Variants in ALDH7A1 observed in about 807,000 individuals in gnomAD.
The protein encoded by ALDH7A1 is alpha-aminoadipic semialdehyde dehydrogenase.
ALDH7A1 carries 63 observed loss-of-function variants against 79.9 expected under a neutral mutation model. The observed-to-expected ratio is 0.79, with a 90% CI of 0.64 to 0.97. The LOEUF (loss-of-function observed/expected upper bound fraction) is 0.97, where lower values mean the gene tolerates loss of function less well. Ranked by LOEUF, ALDH7A1 falls within the 50% of genes least tolerant of loss-of-function variation. The pLI is 0.00. For missense variants in ALDH7A1, 627 were observed against 665.2 expected (o/e 0.94, Z 0.63); for synonymous variants, 240 against 231.2 (o/e 1.04, Z -0.34).
intron 4 of ALDH7A1, 25 bp downstream of exon 4, chr5:126,583,907 T>C: frequency 5.7e-6 from 9 of 1,575,014 alleles, no homozygotes; most frequent in Non-Finnish European, 7.9e-6. Context: ...CAAAGAATTG[T>C]GTATATACTA....
At chr5:126,592,522 C>G in intron 3 of ALDH7A1, 142 bp downstream of exon 3, 2 of 799,200 alleles carry the variant, frequency 2.5e-6, no homozygotes, top group Non-Finnish European at 4.2e-6. Context: ...ACAGCAGGAG[C>G]CCTAGTACAG....
At chr5:126,593,425 A>T (rs1203395210) in intron 1 of ALDH7A1, 21 bp from the exon 2 acceptor site, 3 of 1,613,816 alleles carry the variant, frequency 1.9e-6, no homozygotes, top group Non-Finnish European at 2.5e-6. Flanking sequence ...AAGGATGATG[A>T]TCATGTATAG....
At chr5:126,569,732 T>G (rs1750713764) in intron 8 of ALDH7A1, 1 of 152,244 alleles carries the variant, frequency 6.6e-6, no homozygotes, top group African/African-American at 2.4e-5. Flanking sequence ...TAGATAATAT[T>G]TCACTCTGCA....
chr5:126,589,316 C>T (rs1267983123), intron 3 of ALDH7A1, among the ~76,000 whole-genome samples: 1 of 151,944 alleles, frequency 6.6e-6, no homozygotes, highest in African/African-American at 2.4e-5. Context: ...CACCACCATG[C>T]CTGGCTAATT....
chr5:126,550,409 C>G, intron 14 of ALDH7A1, 116 bp from the exon 15 acceptor site: 1 of 786,928 alleles, frequency 1.3e-6, no homozygotes, highest in South Asian at 1.6e-5. Context: ...AAAAGGAAAC[C>G]AAAGAGTCAA....
chr5:126,582,948 T>C lies in ALDH7A1; in HGVS notation c.420A>G (p.Leu140=). The C allele has an allele frequency of 6.2e-7, 1 of 1,613,966 alleles. No individual in the cohort carries two copies. The highest frequency in any genetic ancestry group is 8.5e-7 in the Non-Finnish European group (1 of 1,179,956). The change falls in exon 5 of 18, where the codon TTA becomes TTG. Residue 140 remains leucine, a synonymous_variant. Coordinates refer to ENST00000409134, the MANE Select transcript of ALDH7A1 (RefSeq NM_001182.5). ...CCTGAACTTCACCCACACCTTCCAC[T>C]AAGATTTTCCCCATCTCCAAAGACA... is the stretch of plus-strand genomic sequence containing the variant. The part of the protein sequence containing the change: ...SLVSLEMGKI[L]VEGVGEVQEY...
chr5:126,551,450 T>C (rs1043450083), intron 14 of ALDH7A1, among the ~76,000 whole-genome samples: 5 of 151,852 alleles, frequency 3.3e-5, no homozygotes, highest in African/African-American at 1.2e-4. Flanking sequence ...AGGTAGCTGG[T>C]ATTACAGATT....
chr5:126,571,652 A>AT (rs1339897163), intron 7 of ALDH7A1, among the ~76,000 whole-genome samples: 112 of 148,726 alleles, frequency 7.5e-4, no homozygotes, highest in Middle Eastern at 3.4e-3. Flanking sequence ...TTATTTATTT[A>AT]TTTTTTTTTT....
In ALDH7A1 at chr5:126,563,558, C is replaced by T. The variant is rs565517772; in HGVS notation, c.872-2434G>A. The stretch of plus-strand genomic sequence containing the variant: ...AGGCTGGAGTGCAGTGGCGTGATCT[C>T]GGCTCACTGCAAATCTCCGCCTCCT... On this transcript the variant is annotated intron_variant, in intron 9 of 17. Transcript: ENST00000409134. Among the ~76,000 whole-genome samples the T allele has an allele frequency of 3.3e-5, 5 of 152,096 alleles. 1 individual carries two copies. The highest frequency in any genetic ancestry group is 1.2e-4 in the African/African-American group (5 of 41,462).
At chr5:126,593,744 G>T in intron 1 of ALDH7A1, 1 of 399,520 alleles carries the variant, frequency 2.5e-6, no homozygotes, top group Non-Finnish European at 4.7e-6. Flanking sequence ...TCCTTACTCT[G>T]CCCACCCTCT....
At position 126,592,690 on chromosome 5, in the gene ALDH7A1, T is replaced by TC. The variant is rs758414053; in HGVS notation, c.285_286insG (p.Arg96GlufsTer51). On this transcript the variant is annotated frameshift_variant, in exon 3 of 18. Transcript: ENST00000409134. LOFTEE classifies it high-confidence loss of function. ...TCTGCCCAGATTTTCCATGCTTCTCTTGCTTTCTTTACAGTTTCTTCATAG... is the reference window on the plus strand; with the variant it reads ...TCTGCCCAGATTTTCCATGCTTCTCTCTGCTTTCTTTACAGTTTCTTCATAG... The TC allele has an allele frequency of 2.5e-6, 4 of 1,614,140 alleles. No individual in the cohort carries two copies. Among genetic ancestry groups the TC allele is most frequent in the Non-Finnish European group, 3.4e-6 (4 of 1,180,028 alleles).
intron 9 of ALDH7A1, chr5:126,567,787 C>T (rs796417693): frequency 0.15 from 17,617 of 116,864 alleles, 2,235 homozygotes; most frequent in African/African-American, 0.43. Context: ...TTTTTTTTTT[C>T]TTTTTTTTTT....
At chr5:126,560,731 G>A (rs1750374907) in intron 10 of ALDH7A1, among the ~76,000 whole-genome samples, 1 of 151,918 alleles carries the variant, frequency 6.6e-6, no homozygotes, top group Admixed American at 6.6e-5. Flanking sequence ...AAATGATCAA[G>A]TCACATAAGA....
chr5:126,557,984 A>C (rs1371125519), intron 11 of ALDH7A1, among the ~76,000 whole-genome samples: 2 of 151,982 alleles, frequency 1.3e-5, no homozygotes, highest in African/African-American at 4.8e-5. Flanking sequence ...CCTGGCCAAC[A>C]TGGTGAAATG....
At chr5:126,567,787 CTTTT>C (rs562611077) in intron 9 of ALDH7A1, 3 of 117,568 alleles carry the variant, frequency 2.6e-5, no homozygotes, top group Admixed American at 1.7e-4. Context: ...TTTTTTTTTT[CTTTT>C]TTTTTTTTTT....
At chr5:126,591,468 C>G (rs992584752) in intron 3 of ALDH7A1, among the ~76,000 whole-genome samples, 1 of 152,020 alleles carries the variant, frequency 6.6e-6, no homozygotes, top group Admixed American at 6.6e-5. Context: ...CACCCAACCC[C>G]CCTTGCAATC....
intron 12 of ALDH7A1, 85 bp from the exon 13 acceptor site, chr5:126,554,478 A>G (rs112164050): frequency 9.7e-7 from 1 of 1,034,384 alleles, no homozygotes; most frequent in Non-Finnish European, 1.5e-6. Context: ...CAATGAACAG[A>G]CCAATCCCTT....
At chr5:126,567,296 T>C (rs543025675) in intron 9 of ALDH7A1, among the ~76,000 whole-genome samples, 1 of 152,340 alleles carries the variant, frequency 6.6e-6, no homozygotes, top group South Asian at 2.1e-4. Flanking sequence ...TTGTTCAGTG[T>C]ACTGTCTTGG....
intron 5 of ALDH7A1, among the ~76,000 whole-genome samples, chr5:126,580,895 G>A (rs1751151022): frequency 6.6e-6 from 1 of 151,850 alleles, no homozygotes; most frequent in African/African-American, 2.4e-5. Flanking sequence ...CACGATCTCG[G>A]CTCACCGCCA....
Sources: allele counts gnomAD v4.1 joint callset (sites outside exome capture counted in the v4.1 genomes callset), GRCh38; gene constraint gnomAD v4.1.1; transcripts MANE v1.5; gene names NCBI Gene and HGNC (gene_info 2026-07-23, HGNC 2026-07-21).